The following DCC variants were observed in gnomAD, a reference collection of about 807,000 sequenced individuals.
DCC encodes the protein netrin receptor DCC.
Under a neutral mutation model 172.5 loss-of-function variants are expected in DCC, and 58 were observed. That is an observed-to-expected ratio of 0.34 (90% confidence interval 0.27 to 0.42). The LOEUF is 0.42. DCC is among the 10% of genes least tolerant of loss of function. DCC has a pLI of 1.00. For missense variants in DCC, 1,740 were observed against 1,791.0 expected, an observed-to-expected ratio of 0.97 and a Z score of 0.51; for synonymous variants, 709 against 644.5, an observed-to-expected ratio of 1.10 and a Z score of -1.52.
At position 52,941,709 on chromosome 18, in the gene DCC, GACT is replaced by G. The variant is rs377697324; in HGVS notation, c.985+16344_985+16346del. Among the ~76,000 whole-genome samples, 282 of 152,090 alleles carry G rather than the reference GACT, an allele frequency of 1.9e-3. 1 individual carries two copies. Among genetic ancestry groups the G allele is most frequent in the African/African-American group, 6.4e-3 (264 of 41,492 alleles). ...TACATGTAGCTTCATTCACCAAAGA[GACT>G]ACTATTAATATTTCACTGTACTACT... is the stretch of plus-strand genomic sequence containing the variant. On this transcript the variant is annotated intron_variant, in intron 5 of 28. Coordinates refer to ENST00000442544, the MANE Select transcript of DCC (RefSeq NM_005215.4).
At chr18:52,876,005 G>A (rs17387778) in intron 2 of DCC, among the ~76,000 whole-genome samples, 1 of 151,764 alleles carries the variant, frequency 6.6e-6, no homozygotes, top group African/African-American at 2.4e-5. Context: ...TAAAAGGAAT[G>A]TGTAGTCATC....
chr18:53,102,728 C>A (rs1323545266), intron 7 of DCC, among the ~76,000 whole-genome samples: 26 of 152,106 alleles, frequency 1.7e-4, no homozygotes, highest in Admixed American at 1.7e-3. Flanking sequence ...CTTTCCTGTA[C>A]ACTTTAACCT....
chr18:53,268,495 C>T (rs180731781), intron 12 of DCC, among the ~76,000 whole-genome samples: 13 of 151,872 alleles, frequency 8.6e-5, no homozygotes, highest in African/African-American at 2.7e-4. Context: ...AGATGAAATG[C>T]CTTCTTACAT....
chr18:53,530,256 A>G, intron 28 of DCC: 1 of 690,422 alleles, frequency 1.4e-6, no homozygotes, highest in Non-Finnish European at 2.6e-6. Flanking sequence ...AGAGAGGTGC[A>G]CTCACTTGTC....
Position 53,377,874 on chromosome 18 carries a change from T to C in DCC, c.2360-8169T>C, listed in dbSNP as rs555987034. On this transcript the variant is annotated intron_variant, in intron 15 of 28. Transcript: ENST00000442544. ...TTGTTTCACTCTTTTCCCTCAGCCA[T>C]TGTTCATCAAAAGATTCAGCAAAAC... Among the ~76,000 whole-genome samples the C allele has an allele frequency of 3.3e-5, 5 of 152,354 alleles. No individual in the cohort carries two copies. In the East Asian group the frequency reaches 7.7e-4, roughly 23 times the overall value.
intron 1 of DCC, among the ~76,000 whole-genome samples, chr18:52,448,014 A>C (rs1396501257): frequency 6.6e-6 from 1 of 152,148 alleles, no homozygotes; most frequent in Middle Eastern, 3.2e-3. Flanking sequence ...ATGGTGAGAT[A>C]TTCTAGTCCA....
At chr18:52,810,038 C>G (rs1167941362) in intron 2 of DCC, among the ~76,000 whole-genome samples, 1 of 151,900 alleles carries the variant, frequency 6.6e-6, no homozygotes, top group Non-Finnish European at 1.5e-5. Flanking sequence ...CCAGCTAGTC[C>G]TGTCTCTCAA....
At chr18:53,085,904 G>A (rs928629685) in intron 7 of DCC, among the ~76,000 whole-genome samples, 1 of 150,620 alleles carries the variant, frequency 6.6e-6, no homozygotes, top group South Asian at 2.1e-4. Flanking sequence ...TGAATATTTT[G>A]TTTCTTACAT....
At chr18:52,756,668 G>A (rs528696016) in intron 2 of DCC, among the ~76,000 whole-genome samples, 5 of 152,234 alleles carry the variant, frequency 3.3e-5, no homozygotes, top group African/African-American at 9.6e-5. Context: ...AACCCTTACC[G>A]TGAAAATGAA....
chr18:52,954,265 T>A (rs775709246), intron 5 of DCC, among the ~76,000 whole-genome samples: 23 of 152,178 alleles, frequency 1.5e-4, no homozygotes, highest in Admixed American at 3.3e-4. Context: ...CAAGAATATA[T>A]ATAACAATTT....
intron 22 of DCC, among the ~76,000 whole-genome samples, chr18:53,437,814 G>C (rs531816647): frequency 6.6e-6 from 1 of 152,092 alleles, no homozygotes. Context: ...CAAGAAATGC[G>C]ACTAAGCCCT....
At chr18:53,025,401 A>G (rs1324659563) in intron 5 of DCC, among the ~76,000 whole-genome samples, 2 of 152,150 alleles carry the variant, frequency 1.3e-5, no homozygotes, top group South Asian at 2.1e-4. Context: ...ATGAATGGGT[A>G]TCAGTTAACA....
At chr18:52,988,331 T>G (rs945485140) in intron 5 of DCC, among the ~76,000 whole-genome samples, 3 of 152,172 alleles carry the variant, frequency 2.0e-5, no homozygotes, top group Non-Finnish European at 2.9e-5. Flanking sequence ...ACAAAGTCCA[T>G]GTACTGCAGA....
intron 16 of DCC, 134 bp downstream of exon 16, chr18:53,386,272 A>G (rs1353647928): frequency 1.4e-6 from 1 of 696,518 alleles, no homozygotes; most frequent in Non-Finnish European, 2.6e-6. Context: ...TCAGAGAATA[A>G]TTATCCTCTG....
intron 22 of DCC, 62 bp from the exon 23 acceptor site, chr18:53,450,438 G>A (rs2045394338): frequency 1.3e-6 from 2 of 1,583,030 alleles, no homozygotes; most frequent in African/African-American, 1.3e-5. Context: ...TCCCAAGAGA[G>A]CTTGGTAAAA....
At chr18:53,395,193 G>A (rs1048751775) in intron 17 of DCC, among the ~76,000 whole-genome samples, 3 of 151,250 alleles carry the variant, frequency 2.0e-5, no homozygotes, top group African/African-American at 7.3e-5. Context: ...GTACCATCTG[G>A]TTATTCTGTG....
intron 1 of DCC, among the ~76,000 whole-genome samples, chr18:52,710,996 G>A (rs11875753): frequency 0.035 from 5,348 of 152,236 alleles, 144 homozygotes; most frequent in East Asian, 0.085. Flanking sequence ...TTATGTGATA[G>A]GTTTGGAGAT....
chr18:53,264,304 T>C (rs986651036), intron 12 of DCC, among the ~76,000 whole-genome samples: 1 of 151,766 alleles, frequency 6.6e-6, no homozygotes, highest in Non-Finnish European at 1.5e-5. Context: ...CTGGCTAACA[T>C]CGTAAAACCC....
chr18:52,519,547 A>C (rs1330641933), intron 1 of DCC, among the ~76,000 whole-genome samples: 1 of 152,220 alleles, frequency 6.6e-6, no homozygotes, highest in Non-Finnish European at 1.5e-5. Flanking sequence ...AATGAGGGAC[A>C]GGCAATGGGA....
Sources: allele counts gnomAD v4.1 joint callset (sites outside exome capture counted in the v4.1 genomes callset), GRCh38; gene constraint gnomAD v4.1.1; transcripts MANE v1.5; gene names NCBI Gene and HGNC (gene_info 2026-07-23, HGNC 2026-07-21).